Variants in NOTUM observed in about 807,000 individuals in gnomAD.
The protein encoded by NOTUM is notum, palmitoleoyl-protein carboxylesterase, also known as palmitoleoyl-protein carboxylesterase NOTUM.
A neutral mutation model predicts 65.5 loss-of-function variants in NOTUM; 36 were observed. That is an observed-to-expected ratio of 0.55 (90% CI 0.42 to 0.73). The LOEUF (loss-of-function observed/expected upper bound fraction) is 0.73, where lower values mean the gene tolerates loss of function less well. Among genes scored for constraint, NOTUM ranks in the 30% least tolerant of loss-of-function variants. The probability of loss-of-function intolerance (pLI) is 0.00; values close to 1 mark genes in which losing one functional copy is unlikely to be tolerated. For missense variants in NOTUM, 659 were observed against 694.2 expected (o/e 0.95, Z 0.57); for synonymous variants, 356 against 297.9 (o/e 1.20, Z -2.01).
chr17:81,955,601 C>T, intron 8 of NOTUM, 57 bp from the exon 9 acceptor site: 1 of 1,552,290 alleles, frequency 6.4e-7, no homozygotes, highest in Non-Finnish European at 8.8e-7. Flanking sequence ...GCCCCCACCC[C>T]AGGCTCACAG....
At chr17:81,958,834 C>A in intron 4 of NOTUM, 101 bp downstream of exon 4, 1 of 889,008 alleles carries the variant, frequency 1.1e-6, no homozygotes, top group East Asian at 2.5e-5. Flanking sequence ...AACAGGACCC[C>A]CAGGAAAGAC....
rs1182700659 is a variant in NOTUM at position 81,956,926 on chromosome 17, T to C, written c.844A>G (p.Thr282Ala). The C allele has an allele frequency of 1.2e-5, 19 of 1,612,688 alleles. No homozygotes were observed. Among genetic ancestry groups the C allele is most frequent in the Non-Finnish European group, 1.5e-5 (18 of 1,179,922 alleles). ...KQYRHTDCVD[T>A]ITCAPTEAIR... ...GCCTCCGTGGGCGCGCACGTGATCG[T>C]GTCGACGCAGTCTGTGTGGCGATAC... The change falls in exon 7 of 11, where the codon ACG becomes GCG. Residue 282 changes from threonine (T) to alanine (A), a missense_variant. By Grantham distance (58) the Thr-to-Ala change is moderately conservative. Coordinates refer to ENST00000409678, the MANE Select transcript of NOTUM (RefSeq NM_178493.6).
Position 81,956,878 on chromosome 17 carries a change from G to C in NOTUM, c.887+5C>G. On this transcript the variant is annotated splice_donor_5th_base_variant and intron_variant, in intron 7 of 10. Transcript: ENST00000409678. ...CACGAGGACGGGCCCTCCCCGCTGC[G>C]GCACCTGATGCCACGGCGGATGGCC... The C allele has an allele frequency of 6.2e-7, 1 of 1,607,546 alleles. No homozygotes were observed. The highest frequency in any genetic ancestry group is 1.3e-5 in the African/African-American group (1 of 75,006).
chr17:81,959,082 C>G (rs1321838765), intron 3 of NOTUM, 87 bp from the exon 4 acceptor site: 3 of 1,134,192 alleles, frequency 2.6e-6, no homozygotes, highest in Non-Finnish European at 4.0e-6. Context: ...GTTGGGGCTC[C>G]TACTTGGCCC....
In NOTUM at chr17:81,953,174, C is replaced by T. The variant is rs956638510; in HGVS notation, c.1278G>A (p.Lys426=). ...GGACGGGGCAGCCCTTGAGGGGGGT[C>T]TTGCTGGCCTTGTGGCTGTCATGGA... ...RSLHDSHKAS[K]TPLKGCPVHL... Residue 426 remains lysine, a synonymous_variant, in exon 11 of 11, where the codon AAG becomes AAA. Coordinates refer to ENST00000409678, the MANE Select transcript of NOTUM (RefSeq NM_178493.6). 5.6e-6 allele frequency: 9 copies of T among 1,613,212 alleles called. No individual in the cohort carries two copies. Among genetic ancestry groups the T allele is most frequent in the Middle Eastern group, 3.4e-4 (2 of 5,890 alleles).
In NOTUM at chr17:81,952,788, G is replaced by T; in HGVS notation, c.*173C>A. ...GGTCCCTTGTCTCTGGCTGGGCTGT[G>T]GGAGAGGGGCAGGGAAAGCCGGGGC... On this transcript the variant is annotated 3_prime_UTR_variant, in exon 11 of 11. Coordinates refer to ENST00000409678, the MANE Select transcript of NOTUM (RefSeq NM_178493.6). 1 of 625,154 alleles carries T rather than the reference G, an allele frequency of 1.6e-6. No individual in the cohort carries two copies. The highest frequency in any genetic ancestry group is 2.7e-5 in the East Asian group (1 of 37,404). 38.7% of individuals were successfully genotyped at this position (625,154 alleles called of 1,614,324 possible).
intron 6 of NOTUM, 82 bp from the exon 7 acceptor site, chr17:81,957,156 C>T: frequency 2.4e-6 from 3 of 1,236,674 alleles, no homozygotes; most frequent in Non-Finnish European, 3.4e-6. Flanking sequence ...TCAGCCCGTG[C>T]CCCGAGGGGG....
intron 3 of NOTUM, 48 bp downstream of exon 3, chr17:81,959,423 C>T (rs780430681): frequency 7.0e-7 from 1 of 1,426,370 alleles, no homozygotes; most frequent in South Asian, 1.2e-5. Flanking sequence ...GGCGCGGCTT[C>T]CTCCCGGGCC....
chr17:81,953,288 A>AG (rs78951919), intron 10 of NOTUM, 21 bp from the exon 11 acceptor site: 763,326 of 1,547,952 alleles, frequency 0.49, 197,066 homozygotes, highest in Non-Finnish European at 0.52. Context: ...AAACCGGGGG[A>AG]GGGGGTCACA....
chr17:81,958,337 T>G lies in NOTUM; in HGVS notation c.590A>C (p.Lys197Thr). 1.2e-6 allele frequency: 2 copies of G among 1,606,236 alleles called. No individual in the cohort carries two copies. Among genetic ancestry groups the G allele is most frequent in the Middle Eastern group, 3.3e-4 (2 of 6,048 alleles). ...VWSGASSKSE[K>T]NEYAFMGALI... Reference sequence around the variant, plus strand: ...GCCCTGGGAAGGCCGAGACTCACTCTTCTCAGACTTGGATGAAGCCCCGCT... The same window carrying G: ...GCCCTGGGAAGGCCGAGACTCACTCGTCTCAGACTTGGATGAAGCCCCGCT... Residue 197 changes from lysine to threonine, a missense_variant and splice_region_variant, in exon 5 of 11, where the codon AAG becomes ACG. Physicochemically the swap from Lys to Thr is moderately conservative, Grantham distance 78. Transcript: ENST00000409678.
chr17:81,957,662 C>A, intron 6 of NOTUM, 144 bp downstream of exon 6: 1 of 631,054 alleles, frequency 1.6e-6, no homozygotes, highest in Non-Finnish European at 2.8e-6. Flanking sequence ...CCAGCTCCAG[C>A]CTCTCACCCT....
At position 81,952,572 on chromosome 17, in the gene NOTUM, T is replaced by C. The variant is rs183661566; in HGVS notation, c.*389A>G. The C allele has an allele frequency of 3.6e-3, 685 of 192,410 alleles. 7 individuals are homozygous for C. The highest frequency in any genetic ancestry group is 0.013 in the African/African-American group (561 of 42,794). 11.9% of individuals were successfully genotyped at this position (192,410 alleles called of 1,614,324 possible). Reference sequence around the variant, plus strand: ...TTACAAAACAATATCATTCATCATATATTCTTATTTTCCTTTTTTTAAAAA... The same window carrying C: ...TTACAAAACAATATCATTCATCATACATTCTTATTTTCCTTTTTTTAAAAA... On this transcript the variant is annotated 3_prime_UTR_variant, in exon 11 of 11. Transcript: ENST00000409678.
chr17:81,957,328 C>G (rs969844907), intron 6 of NOTUM, among the ~76,000 whole-genome samples: 11 of 152,340 alleles, frequency 7.2e-5, no homozygotes, highest in East Asian at 3.9e-4. Context: ...CTTCCTCTCT[C>G]TGTCTCTTTA....
At position 81,957,802 on chromosome 17, in the gene NOTUM, C is replaced by T; in HGVS notation, c.695+4G>A. ...CACCTCCAGCCCTGCCCCGCCCTGC[C>T]CACCTGCTCCCGGCCAGCAGCAGCA... On this transcript the variant is annotated splice_donor_region_variant and intron_variant, in intron 6 of 10. Transcript: ENST00000409678. 1.9e-6 allele frequency: 3 copies of T among 1,594,984 alleles called. No individual in the cohort carries two copies. Among genetic ancestry groups the T allele is most frequent in the South Asian group, 1.1e-5 (1 of 88,380 alleles).
intron 1 of NOTUM, 144 bp from the exon 2 acceptor site, chr17:81,959,836 G>C (rs901177825): frequency 3.3e-5 from 10 of 299,676 alleles, no homozygotes; most frequent in African/African-American, 8.9e-5. Flanking sequence ...CAGGCCCACG[G>C]GGAGCTCAGG....
At chr17:81,957,453 G>A (rs529576471) in intron 6 of NOTUM, among the ~76,000 whole-genome samples, 1 of 152,174 alleles carries the variant, frequency 6.6e-6, no homozygotes, top group Non-Finnish European at 1.5e-5. Context: ...GAACCCACAG[G>A]GGTGATCCTC....
At position 81,958,877 on chromosome 17, in the gene NOTUM, C is replaced by T. The variant is rs1353283960; in HGVS notation, c.533+58G>A. On this transcript the variant is annotated intron_variant, in intron 4 of 10. Transcript: ENST00000409678. ...GAATATGACTTCCCAAGGAAGGACC[C>T]CCCGGGAAGAACCACCCTCCAGGCA... The T allele has an allele frequency of 3.7e-6, 5 of 1,338,832 alleles. No individual in the cohort carries two copies. The African/African-American group carries it at 4.3e-5, about 12-fold the overall frequency. 82.9% of individuals were successfully genotyped at this position (1,338,832 alleles called of 1,614,324 possible). A position where few individuals can be genotyped will look rare whatever the true frequency, so the allele number is the denominator to read the frequency against.
At chr17:81,959,327 A>C (rs2041456442) in intron 3 of NOTUM, 144 bp downstream of exon 3, 6 of 658,010 alleles carry the variant, frequency 9.1e-6, no homozygotes, top group African/African-American at 5.5e-5. Context: ...GGCAAGAGTG[A>C]AGGGCGCCCC....
intron 8 of NOTUM, among the ~76,000 whole-genome samples, chr17:81,956,167 A>G (rs2041431909): frequency 6.6e-6 from 1 of 152,206 alleles, no homozygotes; most frequent in Non-Finnish European, 1.5e-5. Flanking sequence ...TAACCCCTCC[A>G]TGACCTTGGC....
Sources: allele counts gnomAD v4.1 joint callset (sites outside exome capture counted in the v4.1 genomes callset), GRCh38; gene constraint gnomAD v4.1.1; transcripts MANE v1.5; gene names NCBI Gene and HGNC (gene_info 2026-07-23, HGNC 2026-07-21).